The following CELSR1 variants were observed in gnomAD, a reference collection of about 807,000 sequenced individuals.
The protein encoded by CELSR1 is cadherin EGF LAG seven-pass G-type receptor 1, also known as adhesion G protein-coupled receptor C1.
In CELSR1, 110 loss-of-function variants were observed where a neutral mutation model predicts 249.1. That is an observed-to-expected ratio of 0.44 (90% confidence interval 0.38 to 0.52). CELSR1 has a LOEUF of 0.52. Among genes scored for constraint, CELSR1 ranks in the 20% least tolerant of loss-of-function variants. The probability of loss-of-function intolerance (pLI) is 0.00; values close to 1 mark genes in which losing one functional copy is unlikely to be tolerated. For missense variants in CELSR1, 4,109 were observed against 4,296.4 expected (o/e 0.96, Z 1.22); for synonymous variants, 2,113 against 1,900.0 (o/e 1.11, Z -2.92).
chr22:46,503,281 C>A (rs2080483598), intron 1 of CELSR1, among the ~76,000 whole-genome samples: 1 of 152,244 alleles, frequency 6.6e-6, no homozygotes, highest in Non-Finnish European at 1.5e-5. Flanking sequence ...CTGGGAGATT[C>A]AGCCTCTGCT....
rs1292689562 is a variant in CELSR1, at chr22:46,395,699, G to C, written c.5843+906C>G. ...GGAGGACAAAGAACGGAGCATAGCA[G>C]GTGTCCCTGCACCTGATGGCCACCA... is the stretch of plus-strand genomic sequence containing the variant. On this transcript the variant is annotated intron_variant, in intron 13 of 34. Coordinates refer to ENST00000674500, the MANE Select transcript of CELSR1 (RefSeq NM_001378328.1). This position sits in a 1 kb window ranked among gnomAD's most constrained non-coding sequence, Gnocchi z 5.5. Among the ~76,000 whole-genome samples the C allele has an allele frequency of 1.3e-5, 2 of 152,152 alleles. No individual in the cohort carries two copies. The highest frequency in any genetic ancestry group is 2.9e-5 in the Non-Finnish European group (2 of 68,022).
intron 1 of CELSR1, among the ~76,000 whole-genome samples, chr22:46,511,314 G>A (rs2080571285): frequency 6.6e-6 from 1 of 152,150 alleles, no homozygotes; most frequent in African/African-American, 2.4e-5. Context: ...CGCAAAGCAG[G>A]TGCCCCCGGC....
chr22:46,469,034 C>T (rs141882989), intron 1 of CELSR1, among the ~76,000 whole-genome samples: 3,216 of 152,184 alleles, frequency 0.021, 103 homozygotes, highest in African/African-American at 0.058. Context: ...CAAGATTGCG[C>T]CACTGCACTC....
At chr22:46,443,311 T>TC (rs2079776677) in intron 2 of CELSR1, among the ~76,000 whole-genome samples, 1 of 152,136 alleles carries the variant, frequency 6.6e-6, no homozygotes, top group Non-Finnish European at 1.5e-5. Context: ...GGGGGTGCTT[T>TC]CCCCTCCACC....
At chr22:46,435,684 A>T (rs2079651062) in intron 4 of CELSR1, among the ~76,000 whole-genome samples, 1 of 152,018 alleles carries the variant, frequency 6.6e-6, no homozygotes, top group South Asian at 2.1e-4. Flanking sequence ...TATAAATAAC[A>T]CTGTTATGAA....
Position 46,502,125 on chromosome 22 carries a change from G to C in CELSR1, c.3544+31502C>G, listed in dbSNP as rs2080471538. 3.3e-5 allele frequency among the ~76,000 whole-genome samples: 5 copies of C among 151,554 alleles called. No individual in the cohort carries two copies. In the South Asian group the frequency reaches 1.0e-3, roughly 32 times the overall value. ...AGAAAAAATAAAGTAGCTGGGCACA[G>C]TGGCGCACAAGCCTGCAGTCCCAGC... is the stretch of plus-strand genomic sequence containing the variant. On this transcript the variant is annotated intron_variant, in intron 1 of 34. Transcript: ENST00000674500.
At chr22:46,529,948 C>A (rs529547643) in intron 1 of CELSR1, among the ~76,000 whole-genome samples, 2 of 152,154 alleles carry the variant, frequency 1.3e-5, no homozygotes, top group African/African-American at 4.8e-5. Context: ...GGGATGGAGA[C>A]CCCATTCTCC....
intron 1 of CELSR1, among the ~76,000 whole-genome samples, chr22:46,532,970 AC>A (rs1207085741): frequency 2.0e-5 from 3 of 152,184 alleles, no homozygotes; most frequent in Non-Finnish European, 2.9e-5. Context: ...CACTGGCTCC[AC>A]CACTAACTGG....
chr22:46,535,104 C>A lies in CELSR1; in HGVS notation c.2067G>T (p.Gln689His). The A allele has an allele frequency of 6.2e-7, 1 of 1,612,018 alleles. No homozygotes were observed. The highest frequency in any genetic ancestry group is 8.5e-7 in the Non-Finnish European group (1 of 1,179,914). ...DVNDNDPVFTQPTYELRLNED... is the reference protein window; with the variant it reads ...DVNDNDPVFTHPTYELRLNED... The stretch of plus-strand genomic sequence containing the variant: ...CATTCAGACGAAGCTCGTAGGTGGG[C>A]TGCGTGAACACCGGGTCGTTGTCAT... The change falls in exon 1 of 35, where the codon CAG becomes CAT. Residue 689 changes from glutamine (Q) to histidine (H), a missense_variant. Gln to His is a conservative substitution (Grantham distance 24). Coordinates refer to ENST00000674500, the MANE Select transcript of CELSR1 (RefSeq NM_001378328.1).
At chr22:46,516,018 A>G (rs2080623816) in intron 1 of CELSR1, among the ~76,000 whole-genome samples, 1 of 152,230 alleles carries the variant, frequency 6.6e-6, no homozygotes, top group Admixed American at 6.5e-5. Flanking sequence ...GGGACTGCAA[A>G]CTAGTTGAAC....
chr22:46,378,734 G>A lies in CELSR1; in HGVS notation c.7257-17C>T. The A allele has an allele frequency of 6.2e-7, 1 of 1,609,906 alleles. No homozygotes were observed. The highest frequency in any genetic ancestry group is 8.5e-7 in the Non-Finnish European group (1 of 1,177,884). On this transcript the variant is annotated splice_polypyrimidine_tract_variant and intron_variant, in intron 22 of 34. Coordinates refer to ENST00000674500, the MANE Select transcript of CELSR1 (RefSeq NM_001378328.1). ...CCACCAACGCTGCGGAGAGGACAGA[G>A]AAGGGGCAGGGGTAAGACGGTTCCC...
chr22:46,502,760 C>T (rs979367758), intron 1 of CELSR1, among the ~76,000 whole-genome samples: 2 of 152,184 alleles, frequency 1.3e-5, no homozygotes, highest in African/African-American at 4.8e-5. Flanking sequence ...ACCCCATGAT[C>T]ATAGCCCCAC....
intron 2 of CELSR1, among the ~76,000 whole-genome samples, chr22:46,459,606 G>A (rs1015622808): frequency 6.6e-6 from 1 of 152,210 alleles, no homozygotes; most frequent in East Asian, 1.9e-4. Flanking sequence ...CCTCAGCGCT[G>A]AGGCCGCTTC....
Position 46,381,894 on chromosome 22 carries a change from A to G in CELSR1, c.7040T>C (p.Leu2347Pro). Residue 2347 changes from leucine (L) to proline (P), a missense_variant, in exon 21 of 35, where the codon CTG becomes CCG. Physicochemically the swap from Leu to Pro is moderately conservative, Grantham distance 98. Around this residue, in one of 7 missense-constraint regions of CELSR1, gnomAD observed 1,805 missense variants for 1,831.6 expected, o/e 0.99. Coordinates refer to ENST00000674500, the MANE Select transcript of CELSR1 (RefSeq NM_001378328.1). This position sits in a 1 kb window ranked among gnomAD's most constrained non-coding sequence, Gnocchi z 6.0. ...AVALVIIYRT[L>P]GQLLPERYDP... ...GTAGCGCTCGGGCAGGAGCTGCCCC[A>G]GGGTGCGGTAAATGATGACCAGAGC... 1 of 1,575,174 alleles carries G rather than the reference A, an allele frequency of 6.3e-7. No individual in the cohort carries two copies.
At position 46,409,454 on chromosome 22, in the gene CELSR1, A is replaced by G. The variant is rs113526581; in HGVS notation, c.5060-292T>C. Among the ~76,000 whole-genome samples, 360 of 152,182 alleles carry G rather than the reference A, an allele frequency of 2.4e-3. 1 individual carries two copies. Among genetic ancestry groups the G allele is most frequent in the African/African-American group, 8.4e-3 (347 of 41,554 alleles). ...GGCTCTCAGGCTTGACAGGAGGCAGACGGGGGCGGGTTCAGGATCCCTGGG... is the reference window on the plus strand; with the variant it reads ...GGCTCTCAGGCTTGACAGGAGGCAGGCGGGGGCGGGTTCAGGATCCCTGGG... On this transcript the variant is annotated intron_variant, in intron 8 of 34. Coordinates refer to ENST00000674500, the MANE Select transcript of CELSR1 (RefSeq NM_001378328.1). The surrounding 1 kb of genome is among the most constrained non-coding windows in gnomAD (Gnocchi z 9.8).
Position 46,363,995 on chromosome 22 carries a change from C to T in CELSR1, c.9035+1G>A. ...CCGCCCTGGAGGCCCAGGCTACTCA[C>T]TCAGAGTCGGAGCCATCGGCCTGGG... On this transcript the variant is annotated splice_donor_variant, in intron 34 of 34. Transcript: ENST00000674500. LOFTEE classifies it high-confidence loss of function. This position sits in a 1 kb window ranked among gnomAD's most constrained non-coding sequence, Gnocchi z 4.3. 1 of 1,600,000 alleles carries T rather than the reference C, an allele frequency of 6.3e-7. No homozygotes were observed. Among genetic ancestry groups the T allele is most frequent in the Non-Finnish European group, 8.5e-7 (1 of 1,174,322 alleles).
chr22:46,502,594 T>C lies in CELSR1; in HGVS notation c.3544+31033A>G, dbSNP rs75660631. On this transcript the variant is annotated intron_variant, in intron 1 of 34. Coordinates refer to ENST00000674500, the MANE Select transcript of CELSR1 (RefSeq NM_001378328.1). ...TGATCAAAGTCACTAGTGACAAAGC[T>C]GACTCTTCCGAAGCCCCAGTGGCAT... Among the ~76,000 whole-genome samples, 1,033 of 152,228 alleles carry C rather than the reference T, an allele frequency of 6.8e-3. 2 individuals are homozygous for C. Among genetic ancestry groups the C allele is most frequent in the Non-Finnish European group, 9.2e-3 (628 of 68,016 alleles).
chr22:46,363,390 A>C lies in CELSR1; in HGVS notation c.9036-143T>G. ...TGGGGGCTCCAGGGAGGGCAAGCTC[A>C]TGTTGGATGAGGCTGCCCTTGGGAG... On this transcript the variant is annotated intron_variant, in intron 34 of 34. Coordinates refer to ENST00000674500, the MANE Select transcript of CELSR1 (RefSeq NM_001378328.1). The surrounding 1 kb of genome is among the most constrained non-coding windows in gnomAD (Gnocchi z 4.3). 1 of 656,190 alleles carries C rather than the reference A, an allele frequency of 1.5e-6. No individual in the cohort carries two copies. Among genetic ancestry groups the C allele is most frequent in the Non-Finnish European group, 2.6e-6 (1 of 380,472 alleles). The allele number at this position is 656,190 out of a possible 1,614,324, so 40.6% of individuals were successfully genotyped here. A position where few individuals can be genotyped will look rare whatever the true frequency, so the allele number is the denominator to read the frequency against.
At chr22:46,424,457 T>C (rs2079515268) in intron 5 of CELSR1, among the ~76,000 whole-genome samples, 1 of 152,112 alleles carries the variant, frequency 6.6e-6, no homozygotes, top group Admixed American at 6.5e-5. Flanking sequence ...AATACAGAGA[T>C]ATCCCATGTA....
Sources: gnomAD v4.1 joint callset for allele counts (sites outside exome capture counted in the v4.1 genomes callset) on GRCh38, gnomAD v4.1.1 for gene constraint, gnomAD v4.1.1 regional missense constraint, Gnocchi (gnomAD v3.1) non-coding constraint, MANE v1.5 for transcripts, NCBI Gene and HGNC (gene_info 2026-07-23, HGNC 2026-07-21) for gene names.